Variants in ATP13A5 observed in about 807,000 individuals in gnomAD.
ATP13A5 encodes the protein ATPase 13A5.
A neutral mutation model predicts 150.2 loss-of-function variants in ATP13A5; 149 were observed. The observed-to-expected ratio is 0.99, with a 90% CI of 0.87 to 1.14. The LOEUF (loss-of-function observed/expected upper bound fraction) is 1.14. Among genes scored for constraint, ATP13A5 ranks in the 50% most tolerant of loss-of-function variants. The pLI, the probability that ATP13A5 is intolerant of heterozygous loss-of-function variation, is 0.00. For missense variants in ATP13A5, 1,383 were observed against 1,449.3 expected (o/e 0.95, Z 0.74); for synonymous variants, 497 against 522.2 (o/e 0.95, Z 0.66).
At chr3:193,296,874 A>G (rs1043839712) in intron 25 of ATP13A5, among the ~76,000 whole-genome samples, 3 of 152,172 alleles carry the variant, frequency 2.0e-5, no homozygotes, top group Middle Eastern at 3.4e-3. Flanking sequence ...ACAGAAAACC[A>G]AGCACTGCAT....
Position 193,362,575 on chromosome 3 carries a change from C to T in ATP13A5, c.447G>A (p.Gln149=). Reference sequence around the variant, plus strand: ...CAAAACATTGTACTTACCCAACTTTCTGAAACCGCTTCTCCAGGTCGTTCC... The same window carrying T: ...CAAAACATTGTACTTACCCAACTTTTTGAAACCGCTTCTCCAGGTCGTTCC... ...YVWNDLEKRF[Q]KVGLLEDSNS... Residue 149 remains glutamine (Q), a synonymous_variant, in exon 4 of 30, where the codon CAG becomes CAA. Transcript: ENST00000342358. 1 of 1,614,170 alleles carries T rather than the reference C, an allele frequency of 6.2e-7. No homozygotes were observed. The highest frequency in any genetic ancestry group is 8.5e-7 in the Non-Finnish European group (1 of 1,180,004).
At chr3:193,305,747 C>T in intron 22 of ATP13A5, 79 bp from the exon 23 acceptor site, 2 of 1,210,332 alleles carry the variant, frequency 1.7e-6, no homozygotes, top group Non-Finnish European at 2.5e-6. Context: ...GGCTGTTCTT[C>T]ACATCATAAA....
intron 27 of ATP13A5, chr3:193,281,220 G>A (rs1339124655): frequency 3.0e-6 from 3 of 985,206 alleles, no homozygotes; most frequent in African/African-American, 1.7e-5. Flanking sequence ...CGCAGAAGCT[G>A]GGAAGAAGAG....
intron 1 of ATP13A5, among the ~76,000 whole-genome samples, chr3:193,376,611 A>G (rs1462916253): frequency 2.0e-5 from 3 of 152,098 alleles, no homozygotes; most frequent in Non-Finnish European, 4.4e-5. Flanking sequence ...AGTGTGCCAT[A>G]GTGGTTTGCC....
chr3:193,327,026 A>G lies in ATP13A5; in HGVS notation c.1493T>C (p.Leu498Pro). The G allele has an allele frequency of 6.2e-7, 1 of 1,612,162 alleles. No homozygotes were observed. The highest frequency in any genetic ancestry group is 8.5e-7 in the Non-Finnish European group (1 of 1,179,614). The change falls in exon 13 of 30, where the codon CTC (leucine) becomes CCC (proline). Residue 498 changes from leucine to proline, a missense_variant. By Grantham distance (98) the Leu-to-Pro change is moderately conservative. Around this residue, in one of 3 missense-constraint regions of ATP13A5, gnomAD observed 787 missense variants for 771.9 expected, o/e 1.02. Transcript: ENST00000342358. ...TGTLTEDGLD[L>P]WGTVPTADNC... ...GTCAGCAGTAGGGACAGTCCCCCAGAGGTCCAGCCCATCTTCAGTGAGAGT... is the reference window on the plus strand; with the variant it reads ...GTCAGCAGTAGGGACAGTCCCCCAGGGGTCCAGCCCATCTTCAGTGAGAGT...
chr3:193,333,981 CTT>C (rs1442863088), intron 10 of ATP13A5, 74 bp from the exon 11 acceptor site: 2 of 1,418,518 alleles, frequency 1.4e-6, no homozygotes, highest in East Asian at 4.6e-5. Context: ...GCTTTACTGT[CTT>C]TGAGGAAAAG....
At chr3:193,340,321 A>G (rs1017413475) in intron 9 of ATP13A5, among the ~76,000 whole-genome samples, 3 of 152,228 alleles carry the variant, frequency 2.0e-5, no homozygotes, top group Admixed American at 2.0e-4. Flanking sequence ...GGTGACACCA[A>G]TACGCAACAC....
intron 5 of ATP13A5, among the ~76,000 whole-genome samples, chr3:193,359,745 G>A (rs550758340): frequency 6.6e-6 from 1 of 152,020 alleles, no homozygotes; most frequent in Admixed American, 6.6e-5. Context: ...TTCTTCCTGA[G>A]AGCTAGGTCA....
chr3:193,356,943 G>C (rs774136332), intron 5 of ATP13A5, among the ~76,000 whole-genome samples: 1 of 152,056 alleles, frequency 6.6e-6, no homozygotes, highest in Non-Finnish European at 1.5e-5. Context: ...AGCCTCCTGA[G>C]TAGCTGGGAT....
chr3:193,345,207 A>T lies in ATP13A5; in HGVS notation c.742-132T>A, dbSNP rs79521220. ...TGGGCAAAGGACTCAACTTCTTTTGATGCTTCAGCTTCCTTGCTCCAACCC... is the reference window on the plus strand; with the variant it reads ...TGGGCAAAGGACTCAACTTCTTTTGTTGCTTCAGCTTCCTTGCTCCAACCC... On this transcript the variant is annotated intron_variant, in intron 7 of 29. Coordinates refer to ENST00000342358, the MANE Select transcript of ATP13A5 (RefSeq NM_198505.4). The T allele has an allele frequency of 9.6e-4, 761 of 794,324 alleles. 2 individuals carry two copies. In the African/African-American group the frequency reaches 0.012, roughly 12 times the overall value. 49.2% of individuals were successfully genotyped at this position (794,324 alleles called of 1,614,324 possible). A position where few individuals can be genotyped will look rare whatever the true frequency, so the allele number is the denominator to read the frequency against.
At chr3:193,346,774 G>T in intron 7 of ATP13A5, among the ~76,000 whole-genome samples, 1 of 152,188 alleles carries the variant, frequency 6.6e-6, no homozygotes, top group South Asian at 2.1e-4. Context: ...AGTTTTGCAT[G>T]GAAAGTTAAA....
chr3:193,305,989 A>G (rs989676122), intron 22 of ATP13A5, among the ~76,000 whole-genome samples: 3 of 152,030 alleles, frequency 2.0e-5, no homozygotes, highest in African/African-American at 7.3e-5. Context: ...CAAAAACTCA[A>G]TTAAAAAGAT....
At position 193,310,774 on chromosome 3, in the gene ATP13A5, T is replaced by C. The variant is rs1274167279; in HGVS notation, c.2446-57A>G. ...TTGGGAAGAAGAAAACTTTTAAAAA[T>C]AAAAGAACAGCCCTGAAAAATCACT... On this transcript the variant is annotated intron_variant, in intron 20 of 29. Transcript: ENST00000342358. 4 of 1,387,744 alleles carry C rather than the reference T, an allele frequency of 2.9e-6. No homozygotes were observed. The African/African-American group carries it at 5.8e-5, about 20-fold the overall frequency. The allele number at this position is 1,387,744 out of a possible 1,614,324, so 86.0% of individuals were successfully genotyped here.
intron 27 of ATP13A5, among the ~76,000 whole-genome samples, chr3:193,281,791 A>G (rs1177490201): frequency 6.6e-6 from 1 of 152,132 alleles, no homozygotes; most frequent in African/African-American, 2.4e-5. Flanking sequence ...TAAAATTATC[A>G]GTTATGTCTG....
chr3:193,369,847 T>C (rs1478643191), intron 1 of ATP13A5, among the ~76,000 whole-genome samples: 3 of 152,178 alleles, frequency 2.0e-5, no homozygotes, highest in Non-Finnish European at 4.4e-5. Flanking sequence ...GGAAAAACAA[T>C]GCGGCTTAAA....
At position 193,279,472 on chromosome 3, in the gene ATP13A5, A is replaced by G. The variant is rs777391248; in HGVS notation, c.3227-18T>C. The G allele has an allele frequency of 6.3e-7, 1 of 1,593,556 alleles. No individual in the cohort carries two copies. Among genetic ancestry groups the G allele is most frequent in the Non-Finnish European group, 8.6e-7 (1 of 1,161,898 alleles). On this transcript the variant is annotated intron_variant, in intron 27 of 29. Coordinates refer to ENST00000342358, the MANE Select transcript of ATP13A5 (RefSeq NM_198505.4). ...AAATATATCTGAGGAAATACCAAAC[A>G]TTATTTTTAGATGTTAAAAGAATGT...
chr3:193,328,527 C>T (rs1228315255), intron 12 of ATP13A5, among the ~76,000 whole-genome samples: 4 of 152,062 alleles, frequency 2.6e-5, no homozygotes, highest in African/African-American at 9.7e-5. Flanking sequence ...AACATGAAAA[C>T]AGAGATGATA....
At chr3:193,313,346 G>A (rs1275525520) in intron 19 of ATP13A5, 1 of 152,238 alleles carries the variant, frequency 6.6e-6, no homozygotes, top group Non-Finnish European at 1.5e-5. Flanking sequence ...TCAGCCTGGA[G>A]GAAGGCAGCA....
Position 193,321,761 on chromosome 3 carries a change from T to C in ATP13A5, c.1835A>G (p.Gln612Arg), listed in dbSNP as rs776645848. 8 of 1,614,076 alleles carry C rather than the reference T, an allele frequency of 5.0e-6. No homozygotes were observed. Among genetic ancestry groups the C allele is most frequent in the Non-Finnish European group, 6.8e-6 (8 of 1,180,030 alleles). The change falls in exon 16 of 30, where the codon CAG becomes CGG. Residue 612 changes from glutamine (Q) to arginine (R), a missense_variant. Around this residue, in one of 3 missense-constraint regions of ATP13A5, gnomAD observed 787 missense variants for 771.9 expected, o/e 1.02. Transcript: ENST00000342358. ...ATGGAAATGATTCTCCCCAGCTAGC[T>C]GAGCGATCACGGACATCCTCTGCAG... ...SSLQRMSVIAQLAGENHFHVY... is the reference protein window; with the variant it reads ...SSLQRMSVIARLAGENHFHVY...
Sources: allele counts gnomAD v4.1 joint callset (sites outside exome capture counted in the v4.1 genomes callset), GRCh38; gene constraint gnomAD v4.1.1; regional missense constraint gnomAD v4.1.1; transcripts MANE v1.5; gene names NCBI Gene and HGNC (gene_info 2026-07-23, HGNC 2026-07-21).